The following PDZD2 variants were observed in gnomAD, a reference collection of about 807,000 sequenced individuals.
The protein encoded by PDZD2 is PDZ domain-containing protein 2.
A neutral mutation model predicts 220.7 loss-of-function variants in PDZD2; 90 were observed. That is an observed-to-expected ratio of 0.41 (90% CI 0.34 to 0.49). The LOEUF is 0.49. Ranked by LOEUF, PDZD2 falls within the 20% of genes least tolerant of loss-of-function variation. The pLI, the probability that PDZD2 is intolerant of heterozygous loss-of-function variation, is 0.28. For synonymous variants in PDZD2, 1,375 were observed against 1,450.5 expected, an observed-to-expected ratio of 0.95 and a Z score of 1.18; for missense variants, 3,174 against 3,608.5, an observed-to-expected ratio of 0.88 and a Z score of 3.08.
intron 1 of PDZD2, among the ~76,000 whole-genome samples, chr5:31,796,996 C>T (rs1376295130): frequency 5.3e-5 from 8 of 149,812 alleles, no homozygotes; most frequent in South Asian, 2.1e-4. Flanking sequence ...GGCGAGATCT[C>T]GGCTCACTGC....
At chr5:32,092,571 CAATAAA>C (rs1282133372) in intron 20 of PDZD2, among the ~76,000 whole-genome samples, 2 of 152,174 alleles carry the variant, frequency 1.3e-5, no homozygotes, top group Admixed American at 1.3e-4. Flanking sequence ...GACTCCATCT[CAATAAA>C]AATAAAAATA....
intron 2 of PDZD2, chr5:31,855,024 C>T (rs1758312813): frequency 2.2e-5 from 22 of 985,248 alleles, no homozygotes; most frequent in South Asian, 4.7e-5. Flanking sequence ...GCCCCCGGGC[C>T]GCCTGCAGGT....
intron 1 of PDZD2, among the ~76,000 whole-genome samples, chr5:31,729,946 G>A (rs111547206): frequency 6.6e-6 from 1 of 152,252 alleles, no homozygotes; most frequent in South Asian, 2.1e-4. Context: ...TCCTGTCTCG[G>A]CCTTCTGAGT....
chr5:31,860,633 G>A (rs1185253534), intron 2 of PDZD2, among the ~76,000 whole-genome samples: 1 of 152,152 alleles, frequency 6.6e-6, no homozygotes, highest in Non-Finnish European at 1.5e-5. Context: ...CCACATTTCA[G>A]GTAGGCTACA....
intron 1 of PDZD2, among the ~76,000 whole-genome samples, chr5:31,704,010 C>T (rs1033800937): frequency 2.1e-5 from 3 of 146,222 alleles, no homozygotes; most frequent in Non-Finnish European, 4.5e-5. Context: ...CCCTTCCTTC[C>T]CTTCCTTCTT....
chr5:31,925,234 T>C (rs535421007), intron 2 of PDZD2, among the ~76,000 whole-genome samples: 1 of 151,710 alleles, frequency 6.6e-6, no homozygotes, highest in Admixed American at 6.6e-5. Flanking sequence ...CTATAATAAC[T>C]AAAACAGCAC....
chr5:31,764,753 C>G (rs1445538270), intron 1 of PDZD2, among the ~76,000 whole-genome samples: 1 of 152,166 alleles, frequency 6.6e-6, no homozygotes, highest in Non-Finnish European at 1.5e-5. Context: ...TCCTGAATCG[C>G]CTTGGCAAGG....
chr5:31,875,290 A>T (rs1374129161), intron 2 of PDZD2, among the ~76,000 whole-genome samples: 1 of 152,162 alleles, frequency 6.6e-6, no homozygotes, highest in East Asian at 1.9e-4. Context: ...ATGAATTAAA[A>T]ATATATTTCA....
intron 20 of PDZD2, 108 bp downstream of exon 20, chr5:32,091,283 T>A: frequency 1.5e-6 from 1 of 646,600 alleles, no homozygotes; most frequent in Non-Finnish European, 2.2e-6. Context: ...CACTTACTTT[T>A]TTTTTTTTTT....
At chr5:32,101,893 C>T (rs921702652) in intron 24 of PDZD2, among the ~76,000 whole-genome samples, 11 of 152,014 alleles carry the variant, frequency 7.2e-5, no homozygotes, top group African/African-American at 2.7e-4. Context: ...ATTGTATGAA[C>T]AATATTGATA....
At chr5:31,923,300 C>A in intron 2 of PDZD2, 1 of 640,208 alleles carries the variant, frequency 1.6e-6, no homozygotes, top group Admixed American at 2.7e-5. Context: ...AAAATAACTT[C>A]TCCCTTTCGG....
chr5:31,907,096 T>G (rs1295828351), intron 2 of PDZD2, among the ~76,000 whole-genome samples: 2 of 152,210 alleles, frequency 1.3e-5, no homozygotes, highest in African/African-American at 4.8e-5. Flanking sequence ...GTTGACAGTT[T>G]GGTTATGATG....
At position 32,049,403 on chromosome 5, in the gene PDZD2, C is replaced by G. The variant is rs189747537; in HGVS notation, c.1665+719C>G. On this transcript the variant is annotated intron_variant, in intron 8 of 24. Transcript: ENST00000438447. ...AAGAGGAACCGTTAGCAGCTTGTCCCCAGCCCTATGATGAAGCAGAGATAG... is the reference window on the plus strand; with the variant it reads ...AAGAGGAACCGTTAGCAGCTTGTCCGCAGCCCTATGATGAAGCAGAGATAG... 1.2e-3 allele frequency among the ~76,000 whole-genome samples: 189 copies of G among 152,264 alleles called. 2 individuals carry two copies. The highest frequency in any genetic ancestry group is 3.8e-3 in the African/African-American group (158 of 41,562).
chr5:31,876,288 AT>A (rs1561533129), intron 2 of PDZD2, among the ~76,000 whole-genome samples: 2 of 130,884 alleles, frequency 1.5e-5, no homozygotes, highest in African/African-American at 6.2e-5. Flanking sequence ...TTGAATTTGA[AT>A]TTTTTTTCTT....
At chr5:31,903,165 A>G (rs894649773) in intron 2 of PDZD2, among the ~76,000 whole-genome samples, 3 of 151,668 alleles carry the variant, frequency 2.0e-5, no homozygotes, top group Admixed American at 2.0e-4. Flanking sequence ...GTGGTACTGC[A>G]TGCCTGTAAT....
chr5:31,891,004 C>T (rs993338997), intron 2 of PDZD2, among the ~76,000 whole-genome samples: 3 of 152,262 alleles, frequency 2.0e-5, no homozygotes, highest in Non-Finnish European at 4.4e-5. Flanking sequence ...CGCCCCTTGC[C>T]GCACCGTATC....
At chr5:31,835,675 A>T (rs1003466144) in intron 2 of PDZD2, among the ~76,000 whole-genome samples, 1 of 152,146 alleles carries the variant, frequency 6.6e-6, no homozygotes, top group South Asian at 2.1e-4. Flanking sequence ...GACCAAGAAG[A>T]TAAGAATTCA....
chr5:31,796,605 C>T (rs560597279), intron 1 of PDZD2, among the ~76,000 whole-genome samples: 1 of 152,204 alleles, frequency 6.6e-6, no homozygotes, highest in East Asian at 1.9e-4. Context: ...AAGCTCTGGA[C>T]CATCCCCACG....
At chr5:31,648,675 C>CTT (rs553089526) in intron 1 of PDZD2, among the ~76,000 whole-genome samples, 1 of 145,168 alleles carries the variant, frequency 6.9e-6, no homozygotes, top group African/African-American at 2.5e-5. Flanking sequence ...TTTTTTAAGA[C>CTT]TTTTTTTTTT....
Sources: allele counts gnomAD v4.1 joint callset (sites outside exome capture counted in the v4.1 genomes callset), GRCh38; gene constraint gnomAD v4.1.1; transcripts MANE v1.5; gene names NCBI Gene and HGNC (gene_info 2026-07-23, HGNC 2026-07-21).